Variants in SPAG17 observed in about 807,000 individuals in gnomAD.
SPAG17 encodes the protein sperm associated antigen 17.
A neutral mutation model predicts 273.6 loss-of-function variants in SPAG17; 169 were observed. That is an observed-to-expected ratio of 0.62 (90% CI 0.55 to 0.70). The LOEUF (loss-of-function observed/expected upper bound fraction) is 0.70, where lower values mean the gene tolerates loss of function less well. Ranked by LOEUF, SPAG17 falls within the 30% of genes least tolerant of loss-of-function variation. The pLI is 0.00. For missense variants in SPAG17, 2,557 were observed against 2,627.8 expected (o/e 0.97, Z 0.59); for synonymous variants, 825 against 873.2 (o/e 0.94, Z 0.97).
At chr1:118,123,105 A>G (rs1657515854) in intron 3 of SPAG17, among the ~76,000 whole-genome samples, 1 of 152,182 alleles carries the variant, frequency 6.6e-6, no homozygotes, top group Non-Finnish European at 1.5e-5. Context: ...TATGCTATTA[A>G]TTTCTTCTCA....
chr1:117,962,464 A>G (rs1653230195), intron 48 of SPAG17: 1 of 152,130 alleles, frequency 6.6e-6, no homozygotes, highest in Admixed American at 6.5e-5. Context: ...CTGTAGTACC[A>G]TAAAGAAAAG....
intron 10 of SPAG17, among the ~76,000 whole-genome samples, chr1:118,090,704 CA>C (rs1655316070): frequency 6.6e-6 from 1 of 151,948 alleles, no homozygotes; most frequent in Non-Finnish European, 1.5e-5. Context: ...GGCAACATAG[CA>C]AGGCCTTGTC....
Position 118,066,846 on chromosome 1 carries a change from G to C in SPAG17, c.2439C>G (p.Thr813=), listed in dbSNP as rs775343514. The change falls in exon 18 of 49, where the codon ACC becomes ACG. Residue 813 remains threonine (T), a synonymous_variant. Transcript: ENST00000336338. Reference sequence around the variant, plus strand: ...AGACTAAAAGTAAAGAGTTGTCTTGGGTGTGGTAGTAAGAATCAACACACC... The same window carrying C: ...AGACTAAAAGTAAAGAGTTGTCTTGCGTGTGGTAGTAAGAATCAACACACC... ...QYRCVDSYYH[T]QDNSLLLVFH... The C allele has an allele frequency of 2.5e-6, 4 of 1,613,748 alleles. No individual in the cohort carries two copies. The South Asian group carries it at 3.3e-5, about 13-fold the overall frequency.
intron 17 of SPAG17, among the ~76,000 whole-genome samples, chr1:118,068,711 G>A (rs1467669902): frequency 1.3e-5 from 2 of 152,110 alleles, no homozygotes; most frequent in East Asian, 3.9e-4. Context: ...TGTGTGGCAG[G>A]CACTGTGCAG....
At chr1:118,148,227 T>C (rs1445362175) in intron 3 of SPAG17, among the ~76,000 whole-genome samples, 3 of 152,128 alleles carry the variant, frequency 2.0e-5, no homozygotes, top group Non-Finnish European at 4.4e-5. Context: ...GTGTCTGGAG[T>C]TGATTCCTTC....
chr1:118,071,782 A>C (rs1374004678), intron 17 of SPAG17, among the ~76,000 whole-genome samples: 2 of 152,224 alleles, frequency 1.3e-5, no homozygotes, highest in Non-Finnish European at 2.9e-5. Context: ...AAGCCAAAAG[A>C]TAAATTGATG....
chr1:118,079,256 A>T (rs1174986972), intron 15 of SPAG17, among the ~76,000 whole-genome samples: 1 of 152,052 alleles, frequency 6.6e-6, no homozygotes, highest in African/African-American at 2.4e-5. Context: ...TGGATATAAG[A>T]CTACTCAGGT....
Position 118,146,699 on chromosome 1 carries a change from G to C in SPAG17, c.315+3844C>G, listed in dbSNP as rs142441750. Reference sequence around the variant, plus strand: ...CTATCCAAGGGGTAGACCAGTGAAAGATTACTTGGTTGGTGATAAAGTAGA... The same window carrying C: ...CTATCCAAGGGGTAGACCAGTGAAACATTACTTGGTTGGTGATAAAGTAGA... On this transcript the variant is annotated intron_variant, in intron 3 of 48. Transcript: ENST00000336338. 6.4e-3 allele frequency among the ~76,000 whole-genome samples: 967 copies of C among 152,264 alleles called. 14 individuals carry two copies. Among genetic ancestry groups the C allele is most frequent in the African/African-American group, 0.023 (939 of 41,550 alleles).
chr1:117,992,394 T>G (rs992178734), intron 36 of SPAG17, 72 bp downstream of exon 36: 6 of 1,423,518 alleles, frequency 4.2e-6, no homozygotes, highest in Non-Finnish European at 3.8e-6. Flanking sequence ...AATTTCAGGT[T>G]TCTTAGGAAA....
intron 1 of SPAG17, among the ~76,000 whole-genome samples, chr1:118,181,321 C>A (rs1660930836): frequency 6.6e-6 from 1 of 150,952 alleles, no homozygotes; most frequent in Non-Finnish European, 1.5e-5. Context: ...TTAAACCCTA[C>A]AATAATAAAA....
intron 7 of SPAG17, 76 bp downstream of exon 7, chr1:118,097,594 T>C: frequency 8.3e-7 from 1 of 1,209,610 alleles, no homozygotes; most frequent in Non-Finnish European, 1.1e-6. Context: ...ACTATCTATG[T>C]GATGAATAAA....
rs1657729249 is a variant in SPAG17, at chr1:118,126,276, G to GC, written c.316-10836dup. Among the ~76,000 whole-genome samples the GC allele has an allele frequency of 2.0e-5, 3 of 147,476 alleles. No homozygotes were observed. In the South Asian group the frequency reaches 6.4e-4, roughly 32 times the overall value. ...GCTGGAGTGCAGTGGCGCGATCTCGGCTCACTGCAAGCTCCACCTCCTGGG... is the reference window on the plus strand; with the variant it reads ...GCTGGAGTGCAGTGGCGCGATCTCGGCCTCACTGCAAGCTCCACCTCCTGGG... On this transcript the variant is annotated intron_variant, in intron 3 of 48. Coordinates refer to ENST00000336338, the MANE Select transcript of SPAG17 (RefSeq NM_206996.4).
Position 117,994,674 on chromosome 1 carries a change from A to C in SPAG17, c.5054-144T>G, listed in dbSNP as rs1285626314. ...TGAGACACAATGACTATACTTAGGAACCTTACAATCAAATAAGAAGGATGA... is the reference window on the plus strand; with the variant it reads ...TGAGACACAATGACTATACTTAGGACCCTTACAATCAAATAAGAAGGATGA... On this transcript the variant is annotated intron_variant, in intron 34 of 48. Coordinates refer to ENST00000336338, the MANE Select transcript of SPAG17 (RefSeq NM_206996.4). The C allele has an allele frequency of 3.8e-6, 3 of 790,248 alleles. No homozygotes were observed. In the Admixed American group the frequency reaches 1.0e-4, roughly 27 times the overall value. 49.0% of individuals were successfully genotyped at this position (790,248 alleles called of 1,614,324 possible).
Position 118,023,314 on chromosome 1 carries a change from G to A in SPAG17, c.4059C>T (p.Asn1353=), listed in dbSNP as rs1226848896. Residue 1353 remains asparagine, a synonymous_variant, in exon 28 of 49, where the codon AAC becomes AAT. Transcript: ENST00000336338. ...KSETIPSEIT[N]TKKGKSHKSQ... ...GGCTTCAATTGTTACCTTTCTTTGT[G>A]TTGGTAATCTCAGATGGTATCGTTT... The A allele has an allele frequency of 6.2e-7, 1 of 1,609,660 alleles. No homozygotes were observed. Among genetic ancestry groups the A allele is most frequent in the Non-Finnish European group, 8.5e-7 (1 of 1,177,658 alleles).
intron 48 of SPAG17, among the ~76,000 whole-genome samples, chr1:117,954,419 T>C (rs1571027373): frequency 6.6e-6 from 1 of 152,250 alleles, no homozygotes; most frequent in South Asian, 2.1e-4. Flanking sequence ...ATGAGTACTA[T>C]AGAAACTAAC....
intron 17 of SPAG17, among the ~76,000 whole-genome samples, chr1:118,073,340 T>A (rs1653785979): frequency 6.6e-6 from 1 of 152,194 alleles, no homozygotes; most frequent in Non-Finnish European, 1.5e-5. Context: ...TTACATAGTT[T>A]CTACTTCACA....
chr1:118,115,208 T>G, intron 4 of SPAG17, 102 bp downstream of exon 4: 1 of 1,405,798 alleles, frequency 7.1e-7, no homozygotes, highest in Non-Finnish European at 9.8e-7. Flanking sequence ...CAGGTAACAC[T>G]TAATGGTAGG....
chr1:118,119,937 G>A (rs554800705), intron 3 of SPAG17, among the ~76,000 whole-genome samples: 17 of 152,104 alleles, frequency 1.1e-4, no homozygotes, highest in Admixed American at 2.0e-4. Flanking sequence ...TTTTGCTTAC[G>A]TATATGGTTT....
Position 118,028,181 on chromosome 1 carries a change from T to A in SPAG17, c.3730+93A>T, listed in dbSNP as rs115166282. On this transcript the variant is annotated intron_variant, in intron 26 of 48. Transcript: ENST00000336338. ...AGTCTATTGTTCATTATCAACAAGATGTATGTTTAACTGGCATGAAAATAC... is the reference window on the plus strand; with the variant it reads ...AGTCTATTGTTCATTATCAACAAGAAGTATGTTTAACTGGCATGAAAATAC... 1,257 of 1,397,384 alleles carry A rather than the reference T, an allele frequency of 9.0e-4. 10 individuals carry two copies. The African/African-American group carries it at 0.017, about 18-fold the overall frequency. The allele number at this position is 1,397,384 out of a possible 1,614,324, so 86.6% of individuals were successfully genotyped here. A position where few individuals can be genotyped will look rare whatever the true frequency, so the allele number is the denominator to read the frequency against.
Sources: gnomAD v4.1 joint callset for allele counts (sites outside exome capture counted in the v4.1 genomes callset) on GRCh38, gnomAD v4.1.1 for gene constraint, MANE v1.5 for transcripts, NCBI Gene and HGNC (gene_info 2026-07-23, HGNC 2026-07-21) for gene names.